The following ATG7 variants were observed in gnomAD, a reference collection of about 807,000 sequenced individuals.
The protein encoded by ATG7 is ubiquitin-like modifier-activating enzyme ATG7.
Under a neutral mutation model 82.4 loss-of-function variants are expected in ATG7, and 70 were observed. The observed-to-expected ratio is 0.85, with a 90% confidence interval of 0.70 to 1.04. ATG7 has a LOEUF of 1.04. Ranked by LOEUF, ATG7 falls within the 50% of genes least tolerant of loss-of-function variation. The pLI is 0.00. For missense variants in ATG7, 792 were observed against 864.3 expected (o/e 0.92, Z 1.05); for synonymous variants, 287 against 313.0 (o/e 0.92, Z 0.88).
chr3:11,431,313 A>G (rs1042579587), intron 20 of ATG7, among the ~76,000 whole-genome samples: 9 of 152,236 alleles, frequency 5.9e-5, no homozygotes, highest in African/African-American at 2.2e-4. Context: ...AGGCAGGAGA[A>G]TCACTTGAAC....
chr3:11,443,961 A>AAGTAACT (rs1248468539), intron 20 of ATG7, among the ~76,000 whole-genome samples: 18 of 152,330 alleles, frequency 1.2e-4, no homozygotes, highest in African/African-American at 4.1e-4. Context: ...ACAGGCCTAG[A>AAGTAACT]AGTAACTAGT....
At chr3:11,497,523 G>A (rs1341080992) in intron 20 of ATG7, among the ~76,000 whole-genome samples, 4 of 129,986 alleles carry the variant, frequency 3.1e-5, no homozygotes, top group Admixed American at 8.1e-5. Flanking sequence ...GTGACAGAGC[G>A]AGACTCCACC....
At chr3:11,331,218 A>G in intron 9 of ATG7, 122 bp from the exon 10 acceptor site, 1 of 796,640 alleles carries the variant, frequency 1.3e-6, no homozygotes, top group Non-Finnish European at 2.1e-6. Context: ...GCCCTTTACC[A>G]GATGTTTAAT....
At chr3:11,574,487 G>A in the ATG7 span, among the ~76,000 whole-genome samples, 1 of 152,198 alleles carries the variant, frequency 6.6e-6, no homozygotes, top group African/African-American at 2.4e-5. Context: ...CAGAGGCTGG[G>A]AAGGGTAGGG....
chr3:11,405,311 G>T (rs550484465), intron 19 of ATG7, among the ~76,000 whole-genome samples: 1 of 152,156 alleles, frequency 6.6e-6, no homozygotes, highest in South Asian at 2.1e-4. Context: ...TTGGGCTGCC[G>T]GTTTTCACTG....
At chr3:11,382,535 T>C (rs946963376) in intron 19 of ATG7, among the ~76,000 whole-genome samples, 5 of 152,240 alleles carry the variant, frequency 3.3e-5, no homozygotes, top group Non-Finnish European at 4.4e-5. Context: ...TTTCTACTTA[T>C]TGTCTTGCAG....
chr3:11,331,155 A>C (rs1455627423), intron 9 of ATG7, among the ~76,000 whole-genome samples, 185 bp from the exon 10 acceptor site: 1 of 152,202 alleles, frequency 6.6e-6, no homozygotes, highest in African/African-American at 2.4e-5. Flanking sequence ...CCCTGCTATC[A>C]AGAAGTTCTG....
chr3:11,434,046 T>C (rs1258014911), intron 20 of ATG7, among the ~76,000 whole-genome samples: 1 of 152,238 alleles, frequency 6.6e-6, no homozygotes, highest in African/African-American at 2.4e-5. Flanking sequence ...ATTACGGTCA[T>C]GTGATATGAC....
intron 12 of ATG7, 68 bp from the exon 13 acceptor site, chr3:11,342,067 T>C: frequency 6.8e-7 from 1 of 1,474,094 alleles, no homozygotes; most frequent in Non-Finnish European, 9.1e-7. Context: ...GCATAGCCAC[T>C]TGAAATCTTT....
At chr3:11,563,204 G>T in the ATG7 span, among the ~76,000 whole-genome samples, 14 of 152,208 alleles carry the variant, frequency 9.2e-5, no homozygotes, top group African/African-American at 3.1e-4. Flanking sequence ...AAGGGCCAGA[G>T]GCTGGATGTG....
chr3:11,438,396 A>C (rs2083559620), intron 20 of ATG7, among the ~76,000 whole-genome samples: 1 of 152,110 alleles, frequency 6.6e-6, no homozygotes, highest in African/African-American at 2.4e-5. Flanking sequence ...GATTACATTG[A>C]CCAACTGAAC....
intron 19 of ATG7, among the ~76,000 whole-genome samples, chr3:11,410,303 G>A (rs556380874): frequency 6.6e-6 from 1 of 151,994 alleles, no homozygotes; most frequent in South Asian, 2.1e-4. Context: ...AGGTATTTTT[G>A]GGTGTTGCTA....
At chr3:11,562,927 AG>A in the ATG7 span, among the ~76,000 whole-genome samples, 2 of 152,176 alleles carry the variant, frequency 1.3e-5, no homozygotes, top group Non-Finnish European at 2.9e-5. Flanking sequence ...AGGCACAAGG[AG>A]GGGCCCTTGC....
rs869125190 is a variant in ATG7, at chr3:11,395,939, CAAAAAAAAAAAAA to C, written c.1956+15901_1956+15913del. 1.6e-4 allele frequency among the ~76,000 whole-genome samples: 4 copies of C among 25,520 alleles called. No homozygotes were observed. In the South Asian group the frequency reaches 5.6e-3, roughly 36 times the overall value. 16.7% of individuals were successfully genotyped at this position (25,520 alleles called of 152,430 possible). ...TGGGCGACAGAGCGAGACTCTGTCT[CAAAAAAAAAAAAA>C]AAAAAAAAAAAAAGGTAGGGGGGGA... On this transcript the variant is annotated intron_variant, in intron 19 of 20. Transcript: ENST00000693202.
intron 1 of ATG7, among the ~76,000 whole-genome samples, chr3:11,278,468 T>C (rs115997969): frequency 6.6e-5 from 10 of 152,354 alleles, no homozygotes; most frequent in African/African-American, 2.4e-4. Context: ...GTCCGTGACT[T>C]CCCGCAACAG....
At position 11,374,671 on chromosome 3, in the gene ATG7, C is replaced by T. The variant is rs145252780; in HGVS notation, c.1876-5301C>T. On this transcript the variant is annotated intron_variant, in intron 18 of 20. Transcript: ENST00000693202. ...CTGTAATCCCAGCACTTTGGGAGTCCGAGGCGGGCAGATCGTGAGGTCAGG... is the reference window on the plus strand; with the variant it reads ...CTGTAATCCCAGCACTTTGGGAGTCTGAGGCGGGCAGATCGTGAGGTCAGG... Among the ~76,000 whole-genome samples, 88 of 151,954 alleles carry T rather than the reference C, an allele frequency of 5.8e-4. 1 individual carries two copies. The highest frequency in any genetic ancestry group is 1.9e-3 in the African/African-American group (79 of 41,438).
rs60183965 is a variant in ATG7 at position 11,366,971 on chromosome 3, CTGTGTG to C, written c.1875+2275_1875+2280del. Among the ~76,000 whole-genome samples the C allele has an allele frequency of 3.5e-3, 494 of 139,782 alleles. 3 individuals are homozygous for C. Among genetic ancestry groups the C allele is most frequent in the African/African-American group, 0.011 (405 of 37,570 alleles). The allele number at this position is 139,782 out of a possible 152,430, so 91.7% of individuals were successfully genotyped here. A position where few individuals can be genotyped will look rare whatever the true frequency, so the allele number is the denominator to read the frequency against. Reference sequence around the variant, plus strand: ...ATAACGCAGCCATATATGGGAAAAGCTGTGTGTGTGTGTGTGTGTGTGTGTGTGTGT... The same window carrying C: ...ATAACGCAGCCATATATGGGAAAAGCTGTGTGTGTGTGTGTGTGTGTGTGT... On this transcript the variant is annotated intron_variant, in intron 18 of 20. Coordinates refer to ENST00000693202, the MANE Select transcript of ATG7 (RefSeq NM_001349232.2).
intron 1 of ATG7, among the ~76,000 whole-genome samples, chr3:11,280,609 CCAGAT>C (rs1486062446): frequency 5.9e-5 from 9 of 152,284 alleles, no homozygotes; most frequent in South Asian, 4.1e-4. Context: ...GCCTGCCATT[CCAGAT>C]GGTTGGAATC....
chr3:11,530,002 T>C (rs761037857), intron 20 of ATG7, among the ~76,000 whole-genome samples: 2 of 152,112 alleles, frequency 1.3e-5, no homozygotes, highest in African/African-American at 4.8e-5. Context: ...TGAAAGTGCA[T>C]GTATGTGTTT....
Sources: allele counts gnomAD v4.1 joint callset (sites outside exome capture counted in the v4.1 genomes callset), GRCh38; gene constraint gnomAD v4.1.1; transcripts MANE v1.5; gene names NCBI Gene and HGNC (gene_info 2026-07-23, HGNC 2026-07-21).